Variants in SLK observed in about 807,000 individuals in gnomAD.
SLK encodes the protein STE20-like serine/threonine-protein kinase.
Under a neutral mutation model 147.7 loss-of-function variants are expected in SLK, and 67 were observed. The ratio of observed to expected loss-of-function variants is 0.45; its 90% CI spans 0.37 to 0.56. The LOEUF (loss-of-function observed/expected upper bound fraction) is 0.56. Among genes scored for constraint, SLK ranks in the 20% least tolerant of loss-of-function variants. The pLI, the probability that SLK is intolerant of heterozygous loss-of-function variation, is 0.00. For missense variants in SLK, 1,136 were observed against 1,438.8 expected, an observed-to-expected ratio of 0.79 and a Z score of 3.41; for synonymous variants, 441 against 475.0, an observed-to-expected ratio of 0.93 and a Z score of 0.93.
chr10:104,003,830 A>G (rs1234040156), intron 9 of SLK, among the ~76,000 whole-genome samples: 1 of 152,214 alleles, frequency 6.6e-6, no homozygotes, highest in African/African-American at 2.4e-5. Context: ...GCAAGAATCA[A>G]CAATGTATGA....
At chr10:103,974,954 C>T in intron 1 of SLK, 1 of 145,462 alleles carries the variant, frequency 6.9e-6, no homozygotes, top group Non-Finnish European at 1.5e-5. Context: ...CAGGTGTGAG[C>T]CATCTCACCT....
intron 1 of SLK, among the ~76,000 whole-genome samples, chr10:103,981,786 T>C (rs1449666310): frequency 6.6e-6 from 1 of 152,186 alleles, no homozygotes; most frequent in East Asian, 1.9e-4. Flanking sequence ...CTTTGTTCTT[T>C]TTCAAGATTA....
At chr10:104,003,587 A>G in intron 9 of SLK, 60 bp downstream of exon 9, 3 of 1,362,912 alleles carry the variant, frequency 2.2e-6, no homozygotes, top group Admixed American at 2.3e-5. Flanking sequence ...TTCAGAGTTT[A>G]TGTGAAATTG....
intron 4 of SLK, among the ~76,000 whole-genome samples, chr10:103,994,696 T>C (rs1183360364): frequency 2.0e-5 from 3 of 152,140 alleles, no homozygotes; most frequent in Non-Finnish European, 4.4e-5. Context: ...GGAGGGATGA[T>C]GTGAAAAAAA....
intron 1 of SLK, among the ~76,000 whole-genome samples, chr10:103,984,441 T>A (rs1843986760): frequency 6.6e-6 from 1 of 152,082 alleles, no homozygotes; most frequent in South Asian, 2.1e-4. Context: ...TGAGACAGAG[T>A]CTCAGTCTGT....
chr10:104,011,113 A>T (rs1844394511), intron 13 of SLK, among the ~76,000 whole-genome samples: 1 of 152,232 alleles, frequency 6.6e-6, no homozygotes, highest in East Asian at 1.9e-4. Flanking sequence ...AGTTAAGTGG[A>T]ATGTTTGGAA....
At chr10:104,005,227 C>T (rs1844309053) in intron 9 of SLK, among the ~76,000 whole-genome samples, 1 of 152,004 alleles carries the variant, frequency 6.6e-6, no homozygotes, top group East Asian at 1.9e-4. Context: ...AAAAGGATAA[C>T]ATGTAAAGTT....
intron 1 of SLK, among the ~76,000 whole-genome samples, chr10:103,983,869 G>A (rs1843978267): frequency 6.6e-6 from 1 of 152,140 alleles, no homozygotes; most frequent in South Asian, 2.1e-4. Context: ...CACCAGCTGA[G>A]CAGCACTCTG....
At position 103,967,795 on chromosome 10, in the gene SLK, A is replaced by C; in HGVS notation, c.50A>C (p.Lys17Thr). 1 of 1,614,176 alleles carries C rather than the reference A, an allele frequency of 6.2e-7. No homozygotes were observed. The highest frequency in any genetic ancestry group is 8.5e-7 in the Non-Finnish European group (1 of 1,179,994). The part of the protein sequence containing the change: ...RKIFKLGSEK[K>T]KKQYEHVKRD... ...ATCTTCAAGTTGGGGAGCGAGAAGA[A>C]GAAGAAGCAGTACGAACACGTGAAG... The change falls in exon 1 of 19, where the codon AAG (lysine) becomes ACG (threonine). Residue 17 changes from lysine (K) to threonine (T), a missense_variant. Lys to Thr is a moderately conservative substitution (Grantham distance 78). Transcript: ENST00000369755.
chr10:103,992,603 C>G lies in SLK; in HGVS notation c.321C>G (p.Leu107=). Residue 107 remains leucine (L), a synonymous_variant, in exon 3 of 19, where the codon CTC becomes CTG. Transcript: ENST00000369755. ...TTTTTTTTTTTTGCATGCAGATCCT[C>G]ATTGAATTTTGTGCAGGTGGAGCAG... The part of the protein sequence containing the change: ...AFYYENNLWI[L]IEFCAGGAVD... 1 of 1,234,998 alleles carries G rather than the reference C, an allele frequency of 8.1e-7. No individual in the cohort carries two copies. Among genetic ancestry groups the G allele is most frequent in the Non-Finnish European group, 1.0e-6 (1 of 966,112 alleles). 76.5% of individuals were successfully genotyped at this position (1,234,998 alleles called of 1,614,324 possible).
intron 1 of SLK, among the ~76,000 whole-genome samples, chr10:103,969,582 C>T (rs1216709652): frequency 6.6e-6 from 1 of 152,100 alleles, no homozygotes; most frequent in Non-Finnish European, 1.5e-5. Flanking sequence ...TGAATGCTGT[C>T]GTGGAAGCTA....
chr10:103,998,447 C>T (rs1276868917), intron 4 of SLK, among the ~76,000 whole-genome samples: 1 of 152,060 alleles, frequency 6.6e-6, no homozygotes, highest in Non-Finnish European at 1.5e-5. Flanking sequence ...CCAATTTTTT[C>T]TTGACAATAT....
In SLK at chr10:104,021,703, G is replaced by C. The variant is rs955690838; in HGVS notation, c.3531G>C (p.Glu1177Asp). The C allele has an allele frequency of 1.9e-6, 3 of 1,605,264 alleles. No individual in the cohort carries two copies. Among genetic ancestry groups the C allele is most frequent in the Admixed American group, 3.3e-5 (2 of 59,752 alleles). ...LDEEHSQELK[E>D]WREKLRPRKK... ...AGGAACATAGCCAAGAATTAAAGGAGTGGAGAGAGAAATTGAGACCTAGGA... is the reference window on the plus strand; with the variant it reads ...AGGAACATAGCCAAGAATTAAAGGACTGGAGAGAGAAATTGAGACCTAGGA... The change falls in exon 18 of 19, where the codon GAG becomes GAC. Residue 1177 changes from glutamate to aspartate, a missense_variant. Glu to Asp is a conservative substitution (Grantham distance 45, BLOSUM62 2). Around this residue, in one of 6 missense-constraint regions of SLK, gnomAD observed 327 missense variants for 457.5 expected, o/e 0.71. Coordinates refer to ENST00000369755, the MANE Select transcript of SLK (RefSeq NM_014720.4).
chr10:103,995,298 G>A (rs1431504078), intron 4 of SLK, among the ~76,000 whole-genome samples: 1 of 151,756 alleles, frequency 6.6e-6, no homozygotes, highest in Non-Finnish European at 1.5e-5. Context: ...CTGCTTGTTG[G>A]TCTTCTTGAC....
intron 11 of SLK, 58 bp downstream of exon 11, chr10:104,006,093 G>T: frequency 1.3e-6 from 2 of 1,518,446 alleles, no homozygotes; most frequent in South Asian, 1.2e-5. Flanking sequence ...GACATTTACT[G>T]CATTAAAAAC....
chr10:104,025,715 T>C lies in SLK; in HGVS notation c.3703T>C (p.Ser1235Pro). ...TATTCCCAGCTTGCATTCCACCGGA[T>C]CATAACAAAGGGAAGCATTCTGTGC... ...YPIPSLHSTGS is the reference protein window; with the variant it reads ...YPIPSLHSTGP Residue 1235 changes from serine (S) to proline (P), a missense_variant, in exon 19 of 19, where the codon TCA becomes CCA. This residue lies in a region of SLK where 327 missense variants were observed against 457.5 expected (regional missense o/e 0.71). Transcript: ENST00000369755. 1 of 1,614,088 alleles carries C rather than the reference T, an allele frequency of 6.2e-7. No homozygotes were observed. Among genetic ancestry groups the C allele is most frequent in the East Asian group, 2.2e-5 (1 of 44,860 alleles).
intron 1 of SLK, among the ~76,000 whole-genome samples, chr10:103,969,588 A>G (rs1487651800): frequency 2.6e-5 from 4 of 152,220 alleles, no homozygotes; most frequent in Non-Finnish European, 4.4e-5. Flanking sequence ...CTGTCGTGGA[A>G]GCTATCATAG....
intron 16 of SLK, 116 bp downstream of exon 16, chr10:104,020,038 G>A (rs542369971): frequency 2.6e-6 from 2 of 783,274 alleles, no homozygotes; most frequent in East Asian, 2.6e-5. Context: ...GCTTGTTGAT[G>A]TTCACTTTAA....
chr10:104,025,881 A>G lies in SLK; in HGVS notation c.*161A>G. 1.6e-6 allele frequency: 1 copy of G among 620,352 alleles called. No individual in the cohort carries two copies. The highest frequency in any genetic ancestry group is 2.9e-5 in the South Asian group (1 of 34,506). 38.4% of individuals were successfully genotyped at this position (620,352 alleles called of 1,614,324 possible). A position where few individuals can be genotyped will look rare whatever the true frequency, so the allele number is the denominator to read the frequency against. ...TTTTGTTTTGTTTTGTTTTTAAGCA[A>G]AGATGAAGGGAAAACGAACTAAGAC... On this transcript the variant is annotated 3_prime_UTR_variant, in exon 19 of 19. Transcript: ENST00000369755.
Sources: gnomAD v4.1 joint callset for allele counts (sites outside exome capture counted in the v4.1 genomes callset) on GRCh38, gnomAD v4.1.1 for gene constraint, gnomAD v4.1.1 regional missense constraint, MANE v1.5 for transcripts, NCBI Gene and HGNC (gene_info 2026-07-23, HGNC 2026-07-21) for gene names.